Variants in LAMA3 observed in about 807,000 individuals in gnomAD.
LAMA3 encodes laminin subunit alpha-3.
LAMA3 carries 281 observed loss-of-function variants against 402.0 expected under a neutral mutation model. The ratio of observed to expected loss-of-function variants is 0.70; its 90% CI spans 0.63 to 0.77. The LOEUF is 0.77. Ranked by LOEUF, LAMA3 falls within the 30% of genes least tolerant of loss-of-function variation. LAMA3 has a pLI of 0.00. For synonymous variants in LAMA3, 1,431 were observed against 1,558.4 expected (o/e 0.92, Z 1.93); for missense variants, 3,840 against 4,215.5 (o/e 0.91, Z 2.47).
chr18:23,753,313 A>G (rs897606765), intron 5 of LAMA3, among the ~76,000 whole-genome samples: 11 of 152,264 alleles, frequency 7.2e-5, no homozygotes, highest in African/African-American at 2.4e-4. Context: ...AAGCAAGTGC[A>G]ACATTTTTTG....
Position 23,713,930 on chromosome 18 carries a change from G to A in LAMA3, c.305G>A (p.Cys102Tyr), listed in dbSNP as rs771514230. The A allele has an allele frequency of 1.2e-6, 2 of 1,612,300 alleles. No individual in the cohort carries two copies. The highest frequency in any genetic ancestry group is 8.5e-7 in the Non-Finnish European group (1 of 1,179,584). ...CTTTTTTTTTTTCAGGGCCAGTTCT[G>A]TGACTATTGCAATTCTGAAGACCCC... ...GSGHTIQGQFCDYCNSEDPRK... is the reference protein window; with the variant it reads ...GSGHTIQGQFYDYCNSEDPRK... Residue 102 changes from cysteine to tyrosine, a missense_variant, in exon 2 of 75, where the codon TGT (cysteine) becomes TAT (tyrosine). This residue lies in a region of LAMA3 where 2,109 missense variants were observed against 2,376.0 expected (regional missense o/e 0.89). Coordinates refer to ENST00000313654, the MANE Select transcript of LAMA3 (RefSeq NM_198129.4).
intron 62 of LAMA3, 52 bp from the exon 63 acceptor site, chr18:23,928,071 C>A: frequency 1.6e-6 from 2 of 1,277,124 alleles, no homozygotes; most frequent in Non-Finnish European, 2.3e-6. Context: ...GCTCTGATTT[C>A]ACGTGAGCCT....
At chr18:23,838,693 A>G in intron 25 of LAMA3, 88 bp from the exon 26 acceptor site, 1 of 752,702 alleles carries the variant, frequency 1.3e-6, no homozygotes, top group South Asian at 1.4e-5. Context: ...CCTTTACTTA[A>G]TAGCTTTTTT....
At chr18:23,808,099 A>G (rs1224253150) in intron 12 of LAMA3, among the ~76,000 whole-genome samples, 4 of 152,116 alleles carry the variant, frequency 2.6e-5, no homozygotes, top group Non-Finnish European at 4.4e-5. Flanking sequence ...GTCATTCTCT[A>G]GTCTTTGTTC....
chr18:23,894,369 C>A, intron 43 of LAMA3, 21 bp downstream of exon 43: 1 of 1,601,598 alleles, frequency 6.2e-7, no homozygotes, highest in Non-Finnish European at 8.6e-7. Context: ...AAAGCCCCTC[C>A]TCCTCCTTTC....
intron 64 of LAMA3, among the ~76,000 whole-genome samples, chr18:23,929,570 C>T (rs1249459639): frequency 1.3e-5 from 2 of 151,866 alleles, no homozygotes; most frequent in African/African-American, 4.8e-5. Flanking sequence ...ACTAGGAAGG[C>T]CGCCCCTCTC....
At chr18:23,910,991 A>G (rs2145208530) in intron 55 of LAMA3, among the ~76,000 whole-genome samples, 1 of 152,276 alleles carries the variant, frequency 6.6e-6, no homozygotes, top group South Asian at 2.1e-4. Context: ...GAGAAGGGAG[A>G]GGGGAACGGG....
At chr18:23,908,120 AT>A (rs1339988201) in intron 54 of LAMA3, among the ~76,000 whole-genome samples, 185 bp downstream of exon 54, 2 of 152,184 alleles carry the variant, frequency 1.3e-5, no homozygotes, top group East Asian at 3.8e-4. Context: ...ACCAGACAGG[AT>A]TTTTAATTTT....
chr18:23,697,575 C>A (rs1414831177), intron 1 of LAMA3, among the ~76,000 whole-genome samples: 1 of 152,134 alleles, frequency 6.6e-6, no homozygotes, highest in Non-Finnish European at 1.5e-5. Context: ...CAAATGCTCC[C>A]AAATCCACAA....
rs2082971309 is a variant in LAMA3 at position 23,952,984 on chromosome 18, C to A, written c.9737-6C>A. ...ATGATAGACCTAACCAGCCTCCTTT[C>A]CCCAGTCACCATAAAACAACACATC... On this transcript the variant is annotated splice_region_variant and splice_polypyrimidine_tract_variant and intron_variant, in intron 73 of 74. Coordinates refer to ENST00000313654, the MANE Select transcript of LAMA3 (RefSeq NM_198129.4). 1 of 1,613,824 alleles carries A rather than the reference C, an allele frequency of 6.2e-7. No homozygotes were observed. The highest frequency in any genetic ancestry group is 1.3e-5 in the African/African-American group (1 of 74,908).
chr18:23,783,536 C>T (rs1253460656), intron 11 of LAMA3, among the ~76,000 whole-genome samples: 1 of 152,106 alleles, frequency 6.6e-6, no homozygotes, highest in Admixed American at 6.5e-5. Context: ...GATAGAGGTA[C>T]TAGAAGCAGC....
rs374436732 is a variant in LAMA3, at chr18:23,898,772, A to G, written c.5648A>G (p.Asn1883Ser). 5.6e-6 allele frequency: 9 copies of G among 1,611,478 alleles called. No homozygotes were observed. The highest frequency in any genetic ancestry group is 7.6e-6 in the Non-Finnish European group (9 of 1,177,634). Residue 1883 changes from asparagine to serine, a missense_variant, in exon 45 of 75, where the codon AAT becomes AGT. Around this residue, in one of 3 missense-constraint regions of LAMA3, gnomAD observed 891 missense variants for 857.5 expected, o/e 1.04. Coordinates refer to ENST00000313654, the MANE Select transcript of LAMA3 (RefSeq NM_198129.4). ...QLLNYRSAIS[N>S]HGSKIEGLER... ...CTCAACTACCGTTCTGCCATTTCAA[A>G]TCATGGATCAAAAATAGAAGGCCTG... is the stretch of plus-strand genomic sequence containing the variant.
At chr18:23,853,533 A>G (rs1274793320) in intron 32 of LAMA3, among the ~76,000 whole-genome samples, 1 of 152,224 alleles carries the variant, frequency 6.6e-6, no homozygotes, top group South Asian at 2.1e-4. Flanking sequence ...CAGCCTCCCA[A>G]AGTGCTGGAA....
intron 56 of LAMA3, among the ~76,000 whole-genome samples, chr18:23,914,170 T>C (rs565506657): frequency 4.6e-5 from 7 of 152,204 alleles, no homozygotes; most frequent in Non-Finnish European, 8.8e-5. Context: ...CACATATTTG[T>C]AGATTGAGTG....
At chr18:23,702,986 C>T (rs943257440) in intron 1 of LAMA3, among the ~76,000 whole-genome samples, 2 of 152,178 alleles carry the variant, frequency 1.3e-5, no homozygotes, top group Non-Finnish European at 2.9e-5. Context: ...GTGCAAGGGG[C>T]CACGTCTGGC....
chr18:23,913,415 A>G (rs2081503364), intron 56 of LAMA3, among the ~76,000 whole-genome samples: 1 of 152,234 alleles, frequency 6.6e-6, no homozygotes, highest in South Asian at 2.1e-4. Flanking sequence ...TCTCTTTATC[A>G]GTGTAAATTC....
At chr18:23,890,159 C>T in intron 42 of LAMA3, 42 bp downstream of exon 42, 1 of 1,297,564 alleles carries the variant, frequency 7.7e-7, no homozygotes. Context: ...ATTTATAAAG[C>T]TGGTATAACT....
chr18:23,898,451 G>A (rs2080953397), intron 44 of LAMA3: 1 of 422,654 alleles, frequency 2.4e-6, no homozygotes, highest in East Asian at 4.6e-5. Flanking sequence ...AAATTAATCA[G>A]GTAAGTAGTA....
At position 23,914,503 on chromosome 18, in the gene LAMA3, C is replaced by T. The variant is rs1248454018; in HGVS notation, c.7423C>T (p.Gln2475Ter). ...CCGTGAGGCTGAACTCCAAGTGGAC[C>T]AGATCTTGACCAAGAGTGAGACTAA... ...GDREAELQVD[Q>*]ILTKSETKEA... Residue 2475 changes from glutamine to a stop codon, truncating the protein, a stop_gained, in exon 57 of 75, where the codon CAG (glutamine) becomes TAG (stop). Transcript: ENST00000313654. LOFTEE classifies it high-confidence loss of function. 6.2e-7 allele frequency: 1 copy of T among 1,614,088 alleles called. No homozygotes were observed. The highest frequency in any genetic ancestry group is 8.5e-7 in the Non-Finnish European group (1 of 1,179,998).
Sources: gnomAD v4.1 joint callset for allele counts (sites outside exome capture counted in the v4.1 genomes callset) on GRCh38, gnomAD v4.1.1 for gene constraint, gnomAD v4.1.1 regional missense constraint, MANE v1.5 for transcripts, NCBI Gene and HGNC (gene_info 2026-07-23, HGNC 2026-07-21) for gene names.